The following EP300 variants were observed in gnomAD, a reference collection of about 807,000 sequenced individuals.
EP300 encodes histone acetyltransferase p300.
EP300 carries 31 observed loss-of-function variants against 264.0 expected under a neutral mutation model. The ratio of observed to expected loss-of-function variants is 0.12; its 90% CI spans 0.09 to 0.16. EP300 has a LOEUF of 0.16. EP300 is among the 10% of genes least tolerant of loss of function. EP300 has a pLI of 1.00. For synonymous variants in EP300, 1,340 were observed against 1,045.4 expected, an observed-to-expected ratio of 1.28 and a Z score of -5.44; for missense variants, 2,766 against 3,052.9, an observed-to-expected ratio of 0.91 and a Z score of 2.21.
chr22:41,125,595 C>T (rs889134073), intron 2 of EP300, among the ~76,000 whole-genome samples: 12 of 152,130 alleles, frequency 7.9e-5, no homozygotes, highest in African/African-American at 2.9e-4. Context: ...TGGCTCCCTA[C>T]AACCTCTACC....
At chr22:41,127,819 A>G (rs2058891758) in intron 4 of EP300, 71 bp downstream of exon 4, 2 of 1,592,252 alleles carry the variant, frequency 1.3e-6, no homozygotes, top group African/African-American at 1.3e-5. Context: ...AATGTGATCA[A>G]GTCTATTTTG....
intron 1 of EP300, among the ~76,000 whole-genome samples, chr22:41,106,679 A>C (rs374041908): frequency 6.6e-6 from 1 of 152,064 alleles, no homozygotes; most frequent in Non-Finnish European, 1.5e-5. Context: ...GCAGTGGCGC[A>C]ATCTTGGCTC....
At chr22:41,141,027 T>G in intron 9 of EP300, 21 bp from the exon 10 acceptor site, 1 of 1,612,352 alleles carries the variant, frequency 6.2e-7, no homozygotes. Flanking sequence ...TCTCCCTTAT[T>G]TTACTTCAAC....
rs189228150 is a variant in EP300 at position 41,172,959 on chromosome 22, G to A, written c.4617+296G>A. Among the ~76,000 whole-genome samples, 423 of 152,248 alleles carry A rather than the reference G, an allele frequency of 2.8e-3. 1 individual carries two copies. Among genetic ancestry groups the A allele is most frequent in the Non-Finnish European group, 4.7e-3 (323 of 68,024 alleles). ...GAAGATTACTTATCTGAAGGACTAG[G>A]TTATGAATATTATAGGCCTTGTGGG... is the stretch of plus-strand genomic sequence containing the variant. On this transcript the variant is annotated intron_variant, in intron 28 of 30. Coordinates refer to ENST00000263253, the MANE Select transcript of EP300 (RefSeq NM_001429.4).
intron 9 of EP300, among the ~76,000 whole-genome samples, chr22:41,140,753 G>A (rs746523748): frequency 4.7e-4 from 71 of 152,274 alleles, no homozygotes; most frequent in Non-Finnish European, 8.1e-4. Flanking sequence ...ATTCGGGATT[G>A]CGCTGCTGGT....
chr22:41,108,513 TGG>T, intron 1 of EP300, among the ~76,000 whole-genome samples: 1 of 152,078 alleles, frequency 6.6e-6, no homozygotes, highest in Non-Finnish European at 1.5e-5. Context: ...CCTTCCAAAG[TGG>T]TAGGATTATA....
intron 10 of EP300, among the ~76,000 whole-genome samples, chr22:41,144,247 G>C (rs929419756): frequency 1.3e-5 from 2 of 152,068 alleles, no homozygotes; most frequent in African/African-American, 2.4e-5. Flanking sequence ...TGTGATAAAG[G>C]GTTTTTGATT....
chr22:41,151,913 C>T lies in EP300; in HGVS notation c.2898C>T (p.Ala966=). The T allele has an allele frequency of 1.2e-6, 2 of 1,613,922 alleles. No individual in the cohort carries two copies. Among genetic ancestry groups the T allele is most frequent in the Non-Finnish European group, 1.7e-6 (2 of 1,179,874 alleles). The change falls in exon 15 of 31, where the codon GCC becomes GCT. Residue 966 remains alanine, a synonymous_variant. Coordinates refer to ENST00000263253, the MANE Select transcript of EP300 (RefSeq NM_001429.4). ...STSSTEVNSQ[A]IAEKQPSQEV... ...GTAGCACAGAAGTGAATTCTCAGGC[C>T]ATTGCTGAGAAGCAGCCTTCCCAGG...
rs2059123144 is a variant in EP300, at chr22:41,164,236, C to T, written c.3806+106C>T. 4 of 1,092,410 alleles carry T rather than the reference C, an allele frequency of 3.7e-6. No homozygotes were observed. The East Asian group carries it at 7.1e-5, about 19-fold the overall frequency. The allele number at this position is 1,092,410 out of a possible 1,614,324, so 67.7% of individuals were successfully genotyped here. ...TGTATTATATCTTCAAAGTTACTAT[C>T]TTTAAATTGTTTTCTTTGGGTTTGG... On this transcript the variant is annotated intron_variant, in intron 22 of 30. Coordinates refer to ENST00000263253, the MANE Select transcript of EP300 (RefSeq NM_001429.4).
intron 11 of EP300, among the ~76,000 whole-genome samples, chr22:41,147,056 G>A (rs960259924): frequency 6.6e-6 from 1 of 152,152 alleles, no homozygotes; most frequent in African/African-American, 2.4e-5. Flanking sequence ...TGTAATCCCA[G>A]CACTTTGGGA....
chr22:41,177,753 C>T lies in EP300; in HGVS notation c.6042C>T (p.Ala2014=), dbSNP rs2059210627. The T allele has an allele frequency of 1.9e-6, 3 of 1,613,940 alleles. No homozygotes were observed. Among genetic ancestry groups the T allele is most frequent in the South Asian group, 2.2e-5 (2 of 91,082 alleles). ...TACAGTCTGGGATGCCAAGGCCAGC[C>T]ATGATGTCAGTGGCCCAGCATGGTC... ...QQLQSGMPRP[A]MMSVAQHGQP... The change falls in exon 31 of 31, where the codon GCC becomes GCT. Residue 2014 remains alanine, a synonymous_variant. Transcript: ENST00000263253.
chr22:41,178,699 A>G lies in EP300; in HGVS notation c.6988A>G (p.Arg2330Gly), dbSNP rs2059219435. Residue 2330 changes from arginine to glycine, a missense_variant, in exon 31 of 31, where the codon AGG (arginine) becomes GGG (glycine). Physicochemically the swap from Arg to Gly is moderately radical, Grantham distance 125. Coordinates refer to ENST00000263253, the MANE Select transcript of EP300 (RefSeq NM_001429.4). ...GCCCCCCCACTCCAGTCCTTCCCCA[A>G]GGATGCAGCCTCAGCCTTCTCCACA... Reference protein sequence around the residue: ...SQPPHSSPSPRMQPQPSPHHV... With the variant: ...SQPPHSSPSPGMQPQPSPHHV... 2.5e-6 allele frequency: 4 copies of G among 1,613,938 alleles called. No individual in the cohort carries two copies. The highest frequency in any genetic ancestry group is 2.5e-6 in the Non-Finnish European group (3 of 1,180,008).
chr22:41,145,460 A>G (rs1452769858), intron 10 of EP300, among the ~76,000 whole-genome samples: 7 of 152,198 alleles, frequency 4.6e-5, no homozygotes, highest in Admixed American at 4.6e-4. Context: ...GCTTGAATGT[A>G]CAGCCCTTGA....
At chr22:41,113,662 T>C (rs1029382141) in intron 1 of EP300, among the ~76,000 whole-genome samples, 13 of 152,316 alleles carry the variant, frequency 8.5e-5, no homozygotes, top group Middle Eastern at 3.4e-3. Context: ...TTCTCCTGCC[T>C]CAGCCTCCTG....
At chr22:41,166,957 A>G (rs1297052638) in intron 23 of EP300, among the ~76,000 whole-genome samples, 7 of 152,176 alleles carry the variant, frequency 4.6e-5, no homozygotes, top group African/African-American at 9.6e-5. Flanking sequence ...AGGTGTGGAA[A>G]TGATTGGCCG....
intron 13 of EP300, 23 bp downstream of exon 13, chr22:41,149,198 T>C: frequency 6.2e-7 from 1 of 1,614,056 alleles, no homozygotes; most frequent in Non-Finnish European, 8.5e-7. Flanking sequence ...AGTGGATTTT[T>C]CACTTATTTT....
intron 8 of EP300, 64 bp downstream of exon 8, chr22:41,137,854 C>T: frequency 6.2e-7 from 1 of 1,609,402 alleles, no homozygotes; most frequent in Admixed American, 1.7e-5. Flanking sequence ...TTTTCAATCT[C>T]CTGGGCATTT....
At chr22:41,116,200 A>G (rs1030403161) in intron 1 of EP300, among the ~76,000 whole-genome samples, 6 of 152,024 alleles carry the variant, frequency 3.9e-5, no homozygotes, top group African/African-American at 1.5e-4. Context: ...CTAATTCTAT[A>G]ACATTATTTA....
intron 14 of EP300, among the ~76,000 whole-genome samples, chr22:41,150,889 TA>T (rs66701772): frequency 0.026 from 3,267 of 127,850 alleles, 89 homozygotes; most frequent in African/African-American, 0.078. Flanking sequence ...AAACTCCGTC[TA>T]AAAAAAAAAA....
Sources: allele counts gnomAD v4.1 joint callset (sites outside exome capture counted in the v4.1 genomes callset), GRCh38; gene constraint gnomAD v4.1.1; transcripts MANE v1.5; gene names NCBI Gene and HGNC (gene_info 2026-07-23, HGNC 2026-07-21).